FCHSD2: variants seen among roughly 807,000 people sequenced by gnomAD.
The protein encoded by FCHSD2 is FCH and double SH3 domains 2.
In FCHSD2, 38 loss-of-function variants were observed where a neutral mutation model predicts 108.1. The observed-to-expected ratio is 0.35, with a 90% CI of 0.27 to 0.46. The LOEUF is 0.46. FCHSD2 is among the 20% of genes least tolerant of loss of function. The probability of loss-of-function intolerance (pLI) is 1.00; values close to 1 mark genes in which losing one functional copy is unlikely to be tolerated. For missense variants in FCHSD2, 751 were observed against 897.8 expected, an observed-to-expected ratio of 0.84 and a Z score of 2.09; for synonymous variants, 279 against 314.7, an observed-to-expected ratio of 0.89 and a Z score of 1.20.
chr11:73,048,971 G>A (rs141591305), intron 3 of FCHSD2, among the ~76,000 whole-genome samples: 104 of 152,246 alleles, frequency 6.8e-4, no homozygotes, highest in African/African-American at 2.5e-3. Flanking sequence ...ATGAAGAACA[G>A]TAAATATTTA....
chr11:72,883,398 A>T (rs1265896569), intron 12 of FCHSD2, among the ~76,000 whole-genome samples: 1 of 152,244 alleles, frequency 6.6e-6, no homozygotes, highest in Non-Finnish European at 1.5e-5. Flanking sequence ...TATTTGCAGT[A>T]CATGTACCTA....
intron 3 of FCHSD2, among the ~76,000 whole-genome samples, chr11:73,072,120 G>T (rs1859451270): frequency 6.6e-6 from 1 of 150,786 alleles, no homozygotes. Context: ...ATAAAAACGG[G>T]CATGTTCACA....
At chr11:72,944,023 G>T (rs1206747392) in intron 8 of FCHSD2, among the ~76,000 whole-genome samples, 2 of 152,178 alleles carry the variant, frequency 1.3e-5, no homozygotes, top group Non-Finnish European at 2.9e-5. Context: ...AATAGAAAAA[G>T]AGGGAATCCT....
chr11:73,007,693 T>C (rs896523076), intron 4 of FCHSD2, among the ~76,000 whole-genome samples: 1 of 152,106 alleles, frequency 6.6e-6, no homozygotes, highest in Non-Finnish European at 1.5e-5. Flanking sequence ...ATCTTAAGTG[T>C]GGAAGAGGTC....
In FCHSD2 at chr11:72,980,977, G is replaced by C. The variant is rs77786657; in HGVS notation, c.705+3111C>G. ...ACCTTAACATTAATTCAGAAAAATA[G>C]ATATTTCCTTAACATTAATTCAGAA... On this transcript the variant is annotated intron_variant, in intron 8 of 19. Coordinates refer to ENST00000409418, the MANE Select transcript of FCHSD2 (RefSeq NM_014824.3). 9.0e-3 allele frequency among the ~76,000 whole-genome samples: 1,373 copies of C among 152,086 alleles called. 21 individuals are homozygous for C. Among genetic ancestry groups the C allele is most frequent in the African/African-American group, 0.03 (1,251 of 41,480 alleles).
At chr11:73,141,722 G>A (rs934274407) in intron 1 of FCHSD2, 135 bp downstream of exon 1, 54 of 923,970 alleles carry the variant, frequency 5.8e-5, no homozygotes, top group Admixed American at 3.5e-4. Context: ...TGGAGCCGGC[G>A]GCAAGTCGGT....
At position 72,849,771 on chromosome 11, in the gene FCHSD2, A is replaced by G; in HGVS notation, c.1427T>C (p.Val476Ala). The change falls in exon 14 of 20, where the codon GTT (valine) becomes GCT (alanine). Residue 476 changes from valine (V) to alanine (A), a missense_variant. Transcript: ENST00000409418. ...AATACAAACCTTGTAGGAATAAACA[A>G]CTTTGCAGGTGAGTGGATAATTTCT... is the stretch of plus-strand genomic sequence containing the variant. ...TLRNYPLTCKVVYSYKASQPD... is the reference protein window; with the variant it reads ...TLRNYPLTCKAVYSYKASQPD... The G allele has an allele frequency of 1.2e-6, 2 of 1,611,590 alleles. No homozygotes were observed. The highest frequency in any genetic ancestry group is 1.7e-6 in the Non-Finnish European group (2 of 1,178,352).
At chr11:73,033,381 G>A (rs1858412668) in intron 3 of FCHSD2, among the ~76,000 whole-genome samples, 1 of 151,962 alleles carries the variant, frequency 6.6e-6, no homozygotes, top group Non-Finnish European at 1.5e-5. Context: ...ACAGTATGGA[G>A]GCAAAGAGAT....
chr11:73,063,855 C>T (rs1465587333), intron 3 of FCHSD2, among the ~76,000 whole-genome samples: 1 of 151,966 alleles, frequency 6.6e-6, no homozygotes, highest in Non-Finnish European at 1.5e-5. Context: ...ACTTTAACAC[C>T]CCACTGTCAA....
At chr11:73,113,118 A>T (rs1025701468) in intron 2 of FCHSD2, among the ~76,000 whole-genome samples, 5 of 152,140 alleles carry the variant, frequency 3.3e-5, no homozygotes, top group African/African-American at 1.2e-4. Context: ...TTAAGAAATT[A>T]TGATGCATTA....
At chr11:73,022,505 A>G (rs1352341022) in intron 3 of FCHSD2, among the ~76,000 whole-genome samples, 2 of 152,222 alleles carry the variant, frequency 1.3e-5, no homozygotes, top group Non-Finnish European at 2.9e-5. Context: ...TATTAAATGA[A>G]GTACTTAGGT....
intron 5 of FCHSD2, among the ~76,000 whole-genome samples, chr11:72,993,012 G>A (rs2135408941): frequency 6.6e-6 from 1 of 152,244 alleles, no homozygotes; most frequent in South Asian, 2.1e-4. Flanking sequence ...CTACTCATCT[G>A]ACAAAGGGCT....
At chr11:72,940,575 C>G (rs1856395536) in intron 8 of FCHSD2, 1 of 1,253,726 alleles carries the variant, frequency 8.0e-7, no homozygotes, top group African/African-American at 1.4e-5. Flanking sequence ...TGAGAGTCAG[C>G]TGCTGGCAGT....
intron 8 of FCHSD2, among the ~76,000 whole-genome samples, chr11:72,956,943 A>G (rs1856723216): frequency 6.6e-6 from 1 of 152,008 alleles, no homozygotes. Context: ...TAGAGAAGAC[A>G]CAGCATCATT....
In FCHSD2 at chr11:72,887,453, A is replaced by G. The variant is rs1163500606; in HGVS notation, c.1146+17T>C. ...CATTAGACCTGGGCAAAATGCCACA[A>G]TTAGCTGCCACCTTACCTCTGCTTT... is the stretch of plus-strand genomic sequence containing the variant. On this transcript the variant is annotated intron_variant, in intron 12 of 19. Coordinates refer to ENST00000409418, the MANE Select transcript of FCHSD2 (RefSeq NM_014824.3). 1.3e-6 allele frequency: 2 copies of G among 1,560,698 alleles called. No individual in the cohort carries two copies. The highest frequency in any genetic ancestry group is 1.7e-5 in the Admixed American group (1 of 58,294).
intron 8 of FCHSD2, among the ~76,000 whole-genome samples, chr11:72,952,864 A>T (rs1856644362): frequency 6.6e-6 from 1 of 152,184 alleles, no homozygotes; most frequent in South Asian, 2.1e-4. Context: ...TATATAATAA[A>T]GCAATAAAAG....
intron 5 of FCHSD2, among the ~76,000 whole-genome samples, chr11:73,000,778 A>C (rs1591472333): frequency 2.0e-5 from 3 of 152,356 alleles, no homozygotes; most frequent in African/African-American, 7.2e-5. Context: ...GAGCTTTTTG[A>C]ACGTCCATGG....
intron 9 of FCHSD2, among the ~76,000 whole-genome samples, chr11:72,915,302 T>C (rs762221787): frequency 1.3e-5 from 2 of 151,146 alleles, no homozygotes; most frequent in Non-Finnish European, 3.0e-5. Context: ...TTGGTAGGAG[T>C]GTAAATTAGT....
intron 8 of FCHSD2, among the ~76,000 whole-genome samples, chr11:72,950,568 A>T (rs1856603053): frequency 2.0e-5 from 3 of 152,106 alleles, no homozygotes; most frequent in Admixed American, 2.0e-4. Context: ...GTGCCAGTAC[A>T]ATTTGTTGAA....
Sources: gnomAD v4.1 joint callset for allele counts (sites outside exome capture counted in the v4.1 genomes callset) on GRCh38, gnomAD v4.1.1 for gene constraint, MANE v1.5 for transcripts, NCBI Gene and HGNC (gene_info 2026-07-23, HGNC 2026-07-21) for gene names.